Variants in FAM120A observed in about 807,000 individuals in gnomAD.
FAM120A encodes the protein family with sequence similarity 120 member A.
Under a neutral mutation model 109.7 loss-of-function variants are expected in FAM120A, and 15 were observed. That is an observed-to-expected ratio of 0.14 (90% CI 0.09 to 0.21). The LOEUF is 0.21. FAM120A is among the 10% of genes least tolerant of loss of function. The probability of loss-of-function intolerance (pLI) is 1.00; values close to 1 mark genes in which losing one functional copy is unlikely to be tolerated. For synonymous variants in FAM120A, 493 were observed against 572.8 expected (o/e 0.86, Z 1.99); for missense variants, 899 against 1,439.3 (o/e 0.62, Z 6.07).
rs752786328 is a variant in FAM120A, at chr9:93,529,523, C to A, written c.1677C>A (p.Ala559=). The change falls in exon 9 of 18, where the codon GCC becomes GCA. Residue 559 remains alanine, a synonymous_variant. Transcript: ENST00000277165. ...TCGCACCTGAGGTGCTGAGAGTGGCCGAGCACAGGCACAAGAAGGGGCTGA... is the reference window on the plus strand; with the variant it reads ...TCGCACCTGAGGTGCTGAGAGTGGCAGAGCACAGGCACAAGAAGGGGCTGA... ...PPVAPEVLRV[A]EHRHKKGLMY... 1.1e-5 allele frequency: 17 copies of A among 1,614,196 alleles called. No homozygotes were observed. The highest frequency in any genetic ancestry group is 3.3e-4 in the Middle Eastern group (2 of 6,062).
At chr9:93,539,153 A>G (rs1418469812) in intron 10 of FAM120A, among the ~76,000 whole-genome samples, 1 of 152,106 alleles carries the variant, frequency 6.6e-6, no homozygotes. Flanking sequence ...ACCTGCCACC[A>G]TGCCTGGCTA....
At chr9:93,543,137 G>T in intron 10 of FAM120A, 85 bp from the exon 11 acceptor site, 4 of 1,519,194 alleles carry the variant, frequency 2.6e-6, no homozygotes, top group Non-Finnish European at 3.6e-6. Context: ...CTTTAGACCA[G>T]TTACTAGAGC....
Position 93,452,970 on chromosome 9 carries a change from C to T in FAM120A, c.474+581C>T. On this transcript the variant is annotated intron_variant, in intron 1 of 17. Coordinates refer to ENST00000277165, the MANE Select transcript of FAM120A (RefSeq NM_014612.5). The surrounding 1 kb of genome is among the most constrained non-coding windows in gnomAD (Gnocchi z 7.0). ...GGCCTCTACTTCAGAACGCAGTGCC[C>T]TGTCCGTGTTCCTCTTAGTACAGGG... 1 of 1,364,414 alleles carries T rather than the reference C, an allele frequency of 7.3e-7. No homozygotes were observed. Among genetic ancestry groups the T allele is most frequent in the Non-Finnish European group, 9.4e-7 (1 of 1,061,832 alleles). 84.5% of individuals were successfully genotyped at this position (1,364,414 alleles called of 1,614,324 possible). A position where few individuals can be genotyped will look rare whatever the true frequency, so the allele number is the denominator to read the frequency against.
chr9:93,523,189 G>T (rs74756213), intron 7 of FAM120A: 10,816 of 435,296 alleles, frequency 0.025, 236 homozygotes, highest in African/African-American at 0.067. Flanking sequence ...AATTTTATTT[G>T]GCTCCCTTTG....
At chr9:93,521,580 C>G (rs1366286954) in intron 7 of FAM120A, among the ~76,000 whole-genome samples, 1 of 146,924 alleles carries the variant, frequency 6.8e-6, no homozygotes, top group East Asian at 2.0e-4. Flanking sequence ...GTCCCTGTCT[C>G]TTAAAAAAAA....
Position 93,545,780 on chromosome 9 carries a change from C to CTTTTTTTTTTTTTTTTTTTTTTTTTT in FAM120A, c.2159+2310_2159+2335dup, listed in dbSNP as rs774150537. On this transcript the variant is annotated intron_variant, in intron 11 of 17. Coordinates refer to ENST00000277165, the MANE Select transcript of FAM120A (RefSeq NM_014612.5). ...GAAGACTGGCTGATGGGAAAGACTCCTTTTTTTTTTTTTTTTTTTTTTTTT... is the reference window on the plus strand; with the variant it reads ...GAAGACTGGCTGATGGGAAAGACTCCTTTTTTTTTTTTTTTTTTTTTTTTTTTTTTTTTTTTTTTTTTTTTTTTTTT... Among the ~76,000 whole-genome samples the CTTTTTTTTTTTTTTTTTTTTTTTTTT allele has an allele frequency of 5.8e-4, 38 of 65,512 alleles. 3 individuals carry two copies. Among genetic ancestry groups the CTTTTTTTTTTTTTTTTTTTTTTTTTT allele is most frequent in the Admixed American group, 1.2e-3 (6 of 4,850 alleles). 43.0% of individuals were successfully genotyped at this position (65,512 alleles called of 152,430 possible). A position where few individuals can be genotyped will look rare whatever the true frequency, so the allele number is the denominator to read the frequency against.
At chr9:93,525,675 A>AT (rs1861048302) in intron 7 of FAM120A, among the ~76,000 whole-genome samples, 1 of 152,108 alleles carries the variant, frequency 6.6e-6, no homozygotes, top group Non-Finnish European at 1.5e-5. Context: ...GCCGCTATCC[A>AT]TTGTCTGCTC....
chr9:93,547,878 T>A (rs1360406777), intron 11 of FAM120A, among the ~76,000 whole-genome samples: 1 of 152,178 alleles, frequency 6.6e-6, no homozygotes, highest in Non-Finnish European at 1.5e-5. Context: ...ATGTACCTAG[T>A]AATTCATACT....
intron 5 of FAM120A, among the ~76,000 whole-genome samples, chr9:93,502,326 G>GTT (rs1859836985): frequency 6.6e-6 from 1 of 152,066 alleles, no homozygotes; most frequent in South Asian, 2.1e-4. Context: ...TCTAAACTTG[G>GTT]CTGGAATTTT....
Position 93,452,262 on chromosome 9 carries a change from G to T in FAM120A, c.347G>T (p.Arg116Leu). 3 of 1,591,146 alleles carry T rather than the reference G, an allele frequency of 1.9e-6. No individual in the cohort carries two copies. Among genetic ancestry groups the T allele is most frequent in the Non-Finnish European group, 1.7e-6 (2 of 1,172,086 alleles). The part of the protein sequence containing the change: ...HEWVKRQGNE[R>L]QTAQQIVSHV... ...TGGGTCAAGCGGCAGGGCAACGAGC[G>T]CCAGACGGCACAGCAGATCGTCAGC... The change falls in exon 1 of 18, where the codon CGC (arginine) becomes CTC (leucine). Residue 116 changes from arginine (R) to leucine (L), a missense_variant. By Grantham distance (102) the Arg-to-Leu change is moderately radical. Coordinates refer to ENST00000277165, the MANE Select transcript of FAM120A (RefSeq NM_014612.5). The surrounding 1 kb of genome is among the most constrained non-coding windows in gnomAD (Gnocchi z 7.0).
chr9:93,471,098 A>G (rs781740999), intron 1 of FAM120A, 43 bp from the exon 2 acceptor site: 18 of 1,596,946 alleles, frequency 1.1e-5, no homozygotes, highest in South Asian at 3.4e-5. Context: ...TTGTTGCTAC[A>G]GTGTTACCCT....
At chr9:93,556,321 T>G in intron 12 of FAM120A, 61 bp from the exon 13 acceptor site, 2 of 1,415,904 alleles carry the variant, frequency 1.4e-6, no homozygotes, top group East Asian at 4.6e-5. Context: ...TACTAAGACT[T>G]TGAAAGAATT....
intron 7 of FAM120A, among the ~76,000 whole-genome samples, chr9:93,517,160 A>AG (rs1179580408): frequency 1.3e-5 from 2 of 152,236 alleles, no homozygotes; most frequent in Non-Finnish European, 2.9e-5. Context: ...CTGTTGACCC[A>AG]GGGCAGAGCT....
intron 7 of FAM120A, among the ~76,000 whole-genome samples, chr9:93,517,685 A>C (rs534727557): frequency 1.3e-5 from 2 of 152,346 alleles, no homozygotes; most frequent in African/African-American, 4.8e-5. Context: ...CCCCAACAAG[A>C]GTTCCATGCT....
intron 17 of FAM120A, 130 bp downstream of exon 17, chr9:93,562,434 AAC>A: frequency 1.5e-6 from 1 of 668,316 alleles, no homozygotes; most frequent in African/African-American, 1.8e-5. Context: ...TCAAGTGTCT[AAC>A]ACAGTAACTG....
chr9:93,461,290 C>T (rs10821130), intron 1 of FAM120A, among the ~76,000 whole-genome samples: 39,964 of 152,064 alleles, frequency 0.26, 6,489 homozygotes, highest in East Asian at 0.44. Flanking sequence ...GTCTGAAGTA[C>T]ATCATTCATC....
chr9:93,508,123 T>C (rs1203070442), intron 5 of FAM120A, among the ~76,000 whole-genome samples: 1 of 152,176 alleles, frequency 6.6e-6, no homozygotes, highest in African/African-American at 2.4e-5. Context: ...TTTGAAAGTC[T>C]AGCCTCCACT....
chr9:93,466,153 G>A (rs896362032), intron 1 of FAM120A, among the ~76,000 whole-genome samples: 4 of 152,094 alleles, frequency 2.6e-5, no homozygotes, highest in African/African-American at 9.7e-5. Flanking sequence ...TCATACTTTG[G>A]AAGCAGTAGA....
At chr9:93,479,526 C>G (rs115431170) in intron 3 of FAM120A, among the ~76,000 whole-genome samples, 1 of 152,120 alleles carries the variant, frequency 6.6e-6, no homozygotes, top group African/African-American at 2.4e-5. Context: ...TGCAAAGTCA[C>G]GTGTCCTTAA....
Sources: gnomAD v4.1 joint callset for allele counts (sites outside exome capture counted in the v4.1 genomes callset) on GRCh38, gnomAD v4.1.1 for gene constraint, Gnocchi (gnomAD v3.1) non-coding constraint, MANE v1.5 for transcripts, NCBI Gene and HGNC (gene_info 2026-07-23, HGNC 2026-07-21) for gene names.